Variants in MED13L observed in about 807,000 individuals in gnomAD.
MED13L encodes mediator complex subunit 13L, also known as mediator of RNA polymerase II transcription subunit 13-like.
A neutral mutation model predicts 220.9 loss-of-function variants in MED13L; 7 were observed. That is an observed-to-expected ratio of 0.03 (90% CI 0.02 to 0.06). MED13L has a LOEUF of 0.06. Among genes scored for constraint, MED13L ranks in the 10% least tolerant of loss-of-function variants. MED13L has a pLI of 1.00. For synonymous variants in MED13L, 1,011 were observed against 1,015.2 expected (o/e 1.00, Z 0.08); for missense variants, 1,965 against 2,760.5 (o/e 0.71, Z 6.46).
rs1875566201 is a variant in MED13L at position 115,958,637 on chromosome 12, C to G, written c.*2629G>C. On this transcript the variant is annotated 3_prime_UTR_variant, in exon 31 of 31. Coordinates refer to ENST00000281928, the MANE Select transcript of MED13L (RefSeq NM_015335.5). ...TGTAAAAGTATATAGCTCTCATCCACAAGGTATATATGAATGACATTTAAA... is the reference window on the plus strand; with the variant it reads ...TGTAAAAGTATATAGCTCTCATCCAGAAGGTATATATGAATGACATTTAAA... 6.6e-6 allele frequency: 1 copy of G among 152,172 alleles called. No homozygotes were observed. The allele number at this position is 152,172 out of a possible 1,614,324, so 9.4% of individuals were successfully genotyped here.
chr12:116,165,259 C>CTTTTTTTTTTTT (rs34196219), intron 2 of MED13L, among the ~76,000 whole-genome samples: 4 of 74,486 alleles, frequency 5.4e-5, no homozygotes, highest in South Asian at 6.1e-4. Flanking sequence ...AGGCACCATC[C>CTTTTTTTTTTTT]TTTTTTTTTT....
intron 2 of MED13L, among the ~76,000 whole-genome samples, chr12:116,139,393 G>T (rs529515044): frequency 6.6e-6 from 1 of 152,150 alleles, no homozygotes; most frequent in Admixed American, 6.5e-5. Flanking sequence ...TCAAAGAAGG[G>T]TATCACATTC....
chr12:116,098,300 G>T (rs1203677450), intron 3 of MED13L, among the ~76,000 whole-genome samples: 1 of 151,924 alleles, frequency 6.6e-6, no homozygotes, highest in African/African-American at 2.4e-5. Context: ...ATGTGGGGGG[G>T]AAATGGGGAA....
chr12:116,157,755 CACAAAG>C (rs1170436876), intron 2 of MED13L, among the ~76,000 whole-genome samples: 1 of 152,240 alleles, frequency 6.6e-6, no homozygotes, highest in African/African-American at 2.4e-5. Context: ...TTGTGGTCCC[CACAAAG>C]ACAAACTTTT....
chr12:116,056,628 G>C (rs1336476236), intron 4 of MED13L, among the ~76,000 whole-genome samples: 1 of 152,140 alleles, frequency 6.6e-6, no homozygotes, highest in Non-Finnish European at 1.5e-5. Context: ...TCCAACTACT[G>C]CTGGTGATAA....
intron 4 of MED13L, among the ~76,000 whole-genome samples, chr12:116,081,153 CT>C (rs1342028397): frequency 6.6e-6 from 1 of 152,190 alleles, no homozygotes; most frequent in East Asian, 1.9e-4. Context: ...ACATTAACCA[CT>C]TTTGTAACTA....
chr12:116,198,348 TAAAAA>T (rs200049304), intron 2 of MED13L, among the ~76,000 whole-genome samples: 1 of 152,098 alleles, frequency 6.6e-6, no homozygotes, highest in African/African-American at 2.4e-5. Flanking sequence ...TCACATACTT[TAAAAA>T]AAATTTTTTT....
At chr12:116,244,441 G>A (rs578036906) in intron 1 of MED13L, among the ~76,000 whole-genome samples, 34 of 152,300 alleles carry the variant, frequency 2.2e-4, no homozygotes, top group Non-Finnish European at 4.0e-4. Flanking sequence ...TGGAACAAGA[G>A]AGGATATAGC....
chr12:116,070,536 C>T (rs979019684), intron 4 of MED13L, among the ~76,000 whole-genome samples: 9 of 152,156 alleles, frequency 5.9e-5, no homozygotes, highest in East Asian at 1.9e-4. Flanking sequence ...AGTCAAGATT[C>T]GAATGCAGGC....
chr12:116,113,166 T>A (rs1205496862), intron 2 of MED13L, among the ~76,000 whole-genome samples: 1 of 152,174 alleles, frequency 6.6e-6, no homozygotes, highest in Non-Finnish European at 1.5e-5. Flanking sequence ...GAATCACTCT[T>A]CAACCCAGTC....
At chr12:116,269,944 A>T (rs1278576062) in intron 1 of MED13L, among the ~76,000 whole-genome samples, 1 of 152,112 alleles carries the variant, frequency 6.6e-6, no homozygotes, top group Non-Finnish European at 1.5e-5. Context: ...AAAAAATACA[A>T]GGCAGTTTTC....
At chr12:115,971,197 TA>T (rs755806806) in intron 26 of MED13L, among the ~76,000 whole-genome samples, 2 of 152,218 alleles carry the variant, frequency 1.3e-5, no homozygotes, top group African/African-American at 2.4e-5. Flanking sequence ...GCATTTGTGC[TA>T]AACTCTTCAT....
intron 9 of MED13L, 71 bp downstream of exon 9, chr12:116,012,726 A>G (rs1879490354): frequency 9.3e-7 from 1 of 1,072,492 alleles, no homozygotes; most frequent in Non-Finnish European, 1.5e-6. Context: ...CTGATCTGTG[A>G]GGCCAGGAGA....
chr12:115,972,326 A>G, intron 25 of MED13L, 90 bp from the exon 26 acceptor site: 1 of 1,510,420 alleles, frequency 6.6e-7, no homozygotes, highest in East Asian at 2.3e-5. Flanking sequence ...CCGGTAATTG[A>G]ATTTCCAAGG....
chr12:116,127,159 C>A (rs1409708250), intron 2 of MED13L, among the ~76,000 whole-genome samples: 1 of 152,068 alleles, frequency 6.6e-6, no homozygotes, highest in Admixed American at 6.6e-5. Flanking sequence ...CTTTAAAAGA[C>A]AGAGTTTTGA....
intron 19 of MED13L, among the ~76,000 whole-genome samples, chr12:115,986,019 A>G (rs1877665471): frequency 6.6e-6 from 1 of 152,212 alleles, no homozygotes; most frequent in African/African-American, 2.4e-5. Flanking sequence ...GAGAGAACTG[A>G]TGGGATTTTA....
chr12:116,129,920 A>C (rs1875923390), intron 2 of MED13L, among the ~76,000 whole-genome samples: 2 of 144,710 alleles, frequency 1.4e-5, no homozygotes. Flanking sequence ...AAAAAAAAAA[A>C]AAGAAAGAAA....
At chr12:116,137,712 A>T (rs567045240) in intron 2 of MED13L, among the ~76,000 whole-genome samples, 1 of 152,214 alleles carries the variant, frequency 6.6e-6, no homozygotes, top group East Asian at 1.9e-4. Context: ...ACCCAGCGTT[A>T]TTTTGCCTCC....
chr12:116,007,772 T>A, intron 10 of MED13L, 136 bp from the exon 11 acceptor site: 1 of 732,936 alleles, frequency 1.4e-6, no homozygotes. Context: ...CATGATTAAA[T>A]AAAAATTAGC....
Sources: gnomAD v4.1 joint callset for allele counts (sites outside exome capture counted in the v4.1 genomes callset) on GRCh38, gnomAD v4.1.1 for gene constraint, MANE v1.5 for transcripts, NCBI Gene and HGNC (gene_info 2026-07-23, HGNC 2026-07-21) for gene names.